Variants in CCBE1 observed in about 807,000 individuals in gnomAD.
CCBE1 encodes collagen and calcium binding EGF domains 1, also known as collagen and calcium-binding EGF domain-containing protein 1.
Under a neutral mutation model 50.0 loss-of-function variants are expected in CCBE1, and 37 were observed. The ratio of observed to expected loss-of-function variants is 0.74; its 90% CI spans 0.57 to 0.97. CCBE1 has a LOEUF of 0.97. Among genes scored for constraint, CCBE1 ranks in the 50% least tolerant of loss-of-function variants. The probability of loss-of-function intolerance (pLI) is 0.00; values close to 1 mark genes in which losing one functional copy is unlikely to be tolerated. For synonymous variants in CCBE1, 234 were observed against 203.7 expected, an observed-to-expected ratio of 1.15 and a Z score of -1.27; for missense variants, 538 against 523.8, an observed-to-expected ratio of 1.03 and a Z score of -0.26.
rs114937481 is a variant in CCBE1, at chr18:59,514,113, G to A, written c.213-33875C>T. Among the ~76,000 whole-genome samples the A allele has an allele frequency of 1.7e-3, 255 of 152,240 alleles. 1 individual carries two copies. Among genetic ancestry groups the A allele is most frequent in the African/African-American group, 5.9e-3 (245 of 41,532 alleles). On this transcript the variant is annotated intron_variant, in intron 2 of 10. Coordinates refer to ENST00000439986, the MANE Select transcript of CCBE1 (RefSeq NM_133459.4). Reference sequence around the variant, plus strand: ...TGCCTATCGCAAATTTGTAAAGTCAGTTCATAAGCCCTTCAAGGGAGGGAC... The same window carrying A: ...TGCCTATCGCAAATTTGTAAAGTCAATTCATAAGCCCTTCAAGGGAGGGAC...
chr18:59,483,487 C>T (rs1912671518), intron 2 of CCBE1, among the ~76,000 whole-genome samples: 2 of 152,284 alleles, frequency 1.3e-5, no homozygotes, highest in South Asian at 2.1e-4. Context: ...TAGGGATGCT[C>T]AACCTGTATT....
At chr18:59,497,302 G>C (rs1237186097) in intron 2 of CCBE1, among the ~76,000 whole-genome samples, 1 of 152,142 alleles carries the variant, frequency 6.6e-6, no homozygotes, top group Non-Finnish European at 1.5e-5. Flanking sequence ...GATGCCGTGG[G>C]GGAAGTACAA....
In CCBE1 at chr18:59,432,176, T is replaced by C. The variant is rs1909968807; in HGVS notation, c.*3732A>G. ...GGGTTTCACCACGTGTTGGTCAGGATGGTCTTGATCTCCTGACCTCATGAT... is the reference window on the plus strand; with the variant it reads ...GGGTTTCACCACGTGTTGGTCAGGACGGTCTTGATCTCCTGACCTCATGAT... On this transcript the variant is annotated 3_prime_UTR_variant, in exon 11 of 11. Coordinates refer to ENST00000439986, the MANE Select transcript of CCBE1 (RefSeq NM_133459.4). 1.3e-5 allele frequency: 2 copies of C among 152,160 alleles called. No homozygotes were observed. Among genetic ancestry groups the C allele is most frequent in the Admixed American group, 1.3e-4 (2 of 15,264 alleles). The allele number at this position is 152,160 out of a possible 1,614,324, so 9.4% of individuals were successfully genotyped here. A position where few individuals can be genotyped will look rare whatever the true frequency, so the allele number is the denominator to read the frequency against.
At chr18:59,697,190 C>T (rs1330053490) in intron 1 of CCBE1, 22 bp downstream of exon 1, 5 of 1,547,960 alleles carry the variant, frequency 3.2e-6, no homozygotes, top group Non-Finnish European at 2.6e-6. Flanking sequence ...GCTCGCCCTC[C>T]GCTGGGGCTT....
chr18:59,689,836 C>T (rs182546199), intron 2 of CCBE1, among the ~76,000 whole-genome samples: 23 of 152,230 alleles, frequency 1.5e-4, no homozygotes, highest in Non-Finnish European at 2.5e-4. Flanking sequence ...AAGAAACTTG[C>T]GGTACATGCT....
rs532566939 is a variant in CCBE1, at chr18:59,503,400, A to T, written c.213-23162T>A. ...CAGACCAGGAAACTGAGGTTTAGAG[A>T]GGTTAGGCAACATGGCCTGGTCACA... is the stretch of plus-strand genomic sequence containing the variant. On this transcript the variant is annotated intron_variant, in intron 2 of 10. Coordinates refer to ENST00000439986, the MANE Select transcript of CCBE1 (RefSeq NM_133459.4). 3.9e-5 allele frequency among the ~76,000 whole-genome samples: 6 copies of T among 152,296 alleles called. No homozygotes were observed. In the South Asian group the frequency reaches 1.2e-3, roughly 32 times the overall value.
chr18:59,541,825 AGCAAGGTTAGAATTAAAGAGTCCAG>A lies in CCBE1; in HGVS notation c.213-61612_213-61588del, dbSNP rs572211882. On this transcript the variant is annotated intron_variant, in intron 2 of 10. Transcript: ENST00000439986. ...AGCCTTCTTCCAGCTGCTATCACCA[AGCAAGGTTAGAATTAAAGAGTCCAG>A]ATGCTAGGAGACATTTCTGCTTAAT... is the stretch of plus-strand genomic sequence containing the variant. 2.7e-3 allele frequency among the ~76,000 whole-genome samples: 404 copies of A among 152,306 alleles called. 2 individuals carry two copies. Among genetic ancestry groups the A allele is most frequent in the Non-Finnish European group, 4.7e-3 (323 of 68,028 alleles).
intron 2 of CCBE1, among the ~76,000 whole-genome samples, chr18:59,648,196 G>T (rs879649430): frequency 5.9e-5 from 9 of 152,244 alleles, no homozygotes; most frequent in Non-Finnish European, 1.2e-4. Flanking sequence ...TACTCAGTAA[G>T]TGTGAGGCAG....
chr18:59,692,607 C>A (rs2054746958), intron 2 of CCBE1, among the ~76,000 whole-genome samples: 1 of 152,168 alleles, frequency 6.6e-6, no homozygotes, highest in South Asian at 2.1e-4. Context: ...ATTAAAAGGA[C>A]CTTGCTCTTC....
chr18:59,678,293 G>GACAGAA (rs2054536317), intron 2 of CCBE1, among the ~76,000 whole-genome samples: 1 of 152,154 alleles, frequency 6.6e-6, no homozygotes, highest in African/African-American at 2.4e-5. Flanking sequence ...AGGACCAGGG[G>GACAGAA]GGTGTTGAGG....
intron 3 of CCBE1, among the ~76,000 whole-genome samples, chr18:59,473,365 T>C (rs1176077044): frequency 6.6e-6 from 1 of 152,148 alleles, no homozygotes; most frequent in Non-Finnish European, 1.5e-5. Context: ...AGCTTTTGTA[T>C]GAATCACATC....
intron 2 of CCBE1, among the ~76,000 whole-genome samples, chr18:59,577,822 T>C (rs2053021837): frequency 6.6e-6 from 1 of 152,190 alleles, no homozygotes. Context: ...CAATAGAAGA[T>C]GCCTGTTTTT....
At chr18:59,665,342 T>C (rs1987084403) in intron 2 of CCBE1, among the ~76,000 whole-genome samples, 1 of 152,178 alleles carries the variant, frequency 6.6e-6, no homozygotes, top group Admixed American at 6.5e-5. Context: ...TTCATTCGCA[T>C]TAAAGGCCTC....
intron 5 of CCBE1, among the ~76,000 whole-genome samples, chr18:59,463,299 C>T (rs531539894): frequency 9.2e-5 from 14 of 152,218 alleles, no homozygotes; most frequent in Non-Finnish European, 1.8e-4. Context: ...GCAATCGTAG[C>T]TCACTGCAGC....
At chr18:59,506,330 C>G (rs1913872188) in intron 2 of CCBE1, among the ~76,000 whole-genome samples, 1 of 152,184 alleles carries the variant, frequency 6.6e-6, no homozygotes, top group Non-Finnish European at 1.5e-5. Context: ...GGAACCAACC[C>G]TGAGGATACC....
intron 2 of CCBE1, among the ~76,000 whole-genome samples, chr18:59,583,701 G>A (rs945990513): frequency 1.1e-4 from 15 of 134,690 alleles, no homozygotes; most frequent in Non-Finnish European, 1.6e-4. Flanking sequence ...GCGCGCGCGC[G>A]TGTGTGTGTA....
intron 2 of CCBE1, among the ~76,000 whole-genome samples, chr18:59,667,368 C>T (rs200003182): frequency 6.6e-6 from 1 of 152,114 alleles, no homozygotes; most frequent in South Asian, 2.1e-4. Flanking sequence ...ATGTATTTCT[C>T]CAGGGCCAAG....
chr18:59,539,196 C>CAAAAA (rs763047358), intron 2 of CCBE1, among the ~76,000 whole-genome samples: 1 of 147,970 alleles, frequency 6.8e-6, no homozygotes, highest in Non-Finnish European at 1.5e-5. Flanking sequence ...CACACACACA[C>CAAAAA]ACACAAAAAA....
At position 59,438,118 on chromosome 18, in the gene CCBE1, C is replaced by A; in HGVS notation, c.980G>T (p.Gly327Val). The A allele has an allele frequency of 6.2e-7, 1 of 1,614,046 alleles. No homozygotes were observed. Among genetic ancestry groups the A allele is most frequent in the Non-Finnish European group, 8.5e-7 (1 of 1,180,006 alleles). The change falls in exon 10 of 11, where the codon GGG (glycine) becomes GTG (valine). Residue 327 changes from glycine (G) to valine (V), a missense_variant. Transcript: ENST00000439986. ...KGERGAPGPR[G>V]SPGPPGSFDF... ...ACACAGAGTGCTACTTACTGGAGAC[C>A]CTCTGGGCCCAGGCGCTCCTCTCTC...
Sources: allele counts gnomAD v4.1 joint callset (sites outside exome capture counted in the v4.1 genomes callset), GRCh38; gene constraint gnomAD v4.1.1; transcripts MANE v1.5; gene names NCBI Gene and HGNC (gene_info 2026-07-23, HGNC 2026-07-21).